Variants in SRBD1 observed in about 807,000 individuals in gnomAD.
SRBD1 encodes S1 RNA-binding domain-containing protein 1.
Under a neutral mutation model 115.3 loss-of-function variants are expected in SRBD1, and 88 were observed. That is an observed-to-expected ratio of 0.76 (90% CI 0.64 to 0.91). The LOEUF is 0.91. SRBD1 is among the 40% of genes least tolerant of loss of function. The probability of loss-of-function intolerance (pLI) is 0.00; values close to 1 mark genes in which losing one functional copy is unlikely to be tolerated. For missense variants in SRBD1, 1,385 were observed against 1,177.4 expected (o/e 1.18, Z -2.58); for synonymous variants, 509 against 407.7 (o/e 1.25, Z -2.99).
At chr2:45,459,063 A>G (rs916493016) in intron 16 of SRBD1, among the ~76,000 whole-genome samples, 1 of 152,028 alleles carries the variant, frequency 6.6e-6, no homozygotes, top group African/African-American at 2.4e-5. Flanking sequence ...CAAACTACAG[A>G]GTTTGTTTCT....
chr2:45,488,465 A>G, intron 14 of SRBD1, 134 bp from the exon 15 acceptor site: 1 of 613,538 alleles, frequency 1.6e-6, no homozygotes, highest in Non-Finnish European at 2.8e-6. Flanking sequence ...TCTCAATGAT[A>G]CTGACAGCAT....
intron 16 of SRBD1, among the ~76,000 whole-genome samples, chr2:45,439,151 G>C (rs1405955270): frequency 6.6e-6 from 1 of 151,822 alleles, no homozygotes. Flanking sequence ...TATCTTTAAA[G>C]ATAACGGAAA....
intron 16 of SRBD1, among the ~76,000 whole-genome samples, chr2:45,448,816 T>C (rs146955990): frequency 2.0e-4 from 31 of 152,274 alleles, no homozygotes; most frequent in African/African-American, 7.5e-4. Context: ...AAATACTTTT[T>C]TCTCCTTAGG....
intron 14 of SRBD1, among the ~76,000 whole-genome samples, chr2:45,517,006 A>G (rs1265255449): frequency 6.6e-6 from 1 of 152,204 alleles, no homozygotes; most frequent in Non-Finnish European, 1.5e-5. Context: ...TAATCCTTAA[A>G]TTTTAAAAAG....
chr2:45,404,839 C>T (rs1464647578), intron 19 of SRBD1, among the ~76,000 whole-genome samples: 1 of 152,114 alleles, frequency 6.6e-6, no homozygotes, highest in Non-Finnish European at 1.5e-5. Context: ...CTCTCCCTTG[C>T]TCACTCTGCT....
chr2:45,459,021 T>C (rs1266435566), intron 16 of SRBD1, among the ~76,000 whole-genome samples: 1 of 152,144 alleles, frequency 6.6e-6, no homozygotes, highest in Non-Finnish European at 1.5e-5. Flanking sequence ...CTGTTTCTTA[T>C]TGCCAACCGA....
intron 14 of SRBD1, among the ~76,000 whole-genome samples, chr2:45,514,545 T>A (rs1398011731): frequency 6.6e-6 from 1 of 152,170 alleles, no homozygotes; most frequent in Non-Finnish European, 1.5e-5. Context: ...AGCTAACATT[T>A]AAACTAAAAT....
intron 1 of SRBD1, among the ~76,000 whole-genome samples, chr2:45,610,284 A>G (rs1266246099): frequency 6.6e-6 from 1 of 152,252 alleles, no homozygotes; most frequent in Non-Finnish European, 1.5e-5. Flanking sequence ...ATTGGAAAAA[A>G]AAATTTAAAT....
chr2:45,459,038 GATCATGC>G (rs1669235641), intron 16 of SRBD1, among the ~76,000 whole-genome samples: 1 of 152,110 alleles, frequency 6.6e-6, no homozygotes, highest in Admixed American at 6.6e-5. Context: ...CCGATAACCA[GATCATGC>G]ATCCCAACAA....
intron 14 of SRBD1, among the ~76,000 whole-genome samples, chr2:45,489,795 C>A (rs1670237425): frequency 6.6e-6 from 1 of 152,110 alleles, no homozygotes; most frequent in South Asian, 2.1e-4. Flanking sequence ...AAGTCTGAGC[C>A]CTTAACCAGC....
chr2:45,389,055 T>C lies in SRBD1; in HGVS notation c.*255A>G, dbSNP rs1666922996. 2.5e-6 allele frequency: 1 copy of C among 406,640 alleles called. No homozygotes were observed. The highest frequency in any genetic ancestry group is 3.9e-5 in the East Asian group (1 of 25,434). 25.2% of individuals were successfully genotyped at this position (406,640 alleles called of 1,614,324 possible). A position where few individuals can be genotyped will look rare whatever the true frequency, so the allele number is the denominator to read the frequency against. Reference sequence around the variant, plus strand: ...AAATTACAAAAAATAAAAAACAAAATTTTAGTCAGAAAACTATTACTACAT... The same window carrying C: ...AAATTACAAAAAATAAAAAACAAAACTTTAGTCAGAAAACTATTACTACAT... On this transcript the variant is annotated 3_prime_UTR_variant, in exon 21 of 21. Coordinates refer to ENST00000263736, the MANE Select transcript of SRBD1 (RefSeq NM_018079.5).
chr2:45,559,701 AG>A, intron 10 of SRBD1, among the ~76,000 whole-genome samples: 1 of 152,140 alleles, frequency 6.6e-6, no homozygotes, highest in Non-Finnish European at 1.5e-5. Flanking sequence ...ATGTGCTTAA[AG>A]GAAAAAAAAA....
chr2:45,547,694 A>G, intron 12 of SRBD1, 82 bp from the exon 13 acceptor site: 1 of 1,160,242 alleles, frequency 8.6e-7, no homozygotes. Flanking sequence ...GCAAGTTGTA[A>G]CAGAAAAGGA....
At chr2:45,605,173 G>A (rs570209314) in intron 2 of SRBD1, among the ~76,000 whole-genome samples, 189 bp downstream of exon 2, 2 of 152,060 alleles carry the variant, frequency 1.3e-5, no homozygotes, top group East Asian at 1.9e-4. Flanking sequence ...CTCTCCTTTC[G>A]ATACTTTATT....
At chr2:45,406,285 C>A (rs952569345) in intron 19 of SRBD1, among the ~76,000 whole-genome samples, 1 of 151,946 alleles carries the variant, frequency 6.6e-6, no homozygotes, top group Non-Finnish European at 1.5e-5. Flanking sequence ...CAGAGACAAT[C>A]TGAAGACAGG....
At chr2:45,608,568 G>A (rs146880040) in intron 1 of SRBD1, among the ~76,000 whole-genome samples, 368 of 152,080 alleles carry the variant, frequency 2.4e-3, no homozygotes, top group Admixed American at 4.4e-3. Flanking sequence ...CCATCTCCAC[G>A]GTTTTACATA....
At chr2:45,393,821 ACT>A (rs2103816358) in intron 19 of SRBD1, among the ~76,000 whole-genome samples, 1 of 152,310 alleles carries the variant, frequency 6.6e-6, no homozygotes, top group South Asian at 2.1e-4. Context: ...ATGATACCAA[ACT>A]CTAACAAAAT....
At chr2:45,429,573 G>A (rs1441023362) in intron 16 of SRBD1, among the ~76,000 whole-genome samples, 1 of 152,058 alleles carries the variant, frequency 6.6e-6, no homozygotes, top group Non-Finnish European at 1.5e-5. Flanking sequence ...ATGCAGAAAA[G>A]GCCTTTGATA....
At chr2:45,409,876 C>T (rs1411172624) in intron 19 of SRBD1, among the ~76,000 whole-genome samples, 1 of 151,926 alleles carries the variant, frequency 6.6e-6, no homozygotes, top group African/African-American at 2.4e-5. Flanking sequence ...TAAATGCTGA[C>T]ATAATAAGTT....
Sources: gnomAD v4.1 joint callset for allele counts (sites outside exome capture counted in the v4.1 genomes callset) on GRCh38, gnomAD v4.1.1 for gene constraint, MANE v1.5 for transcripts, NCBI Gene and HGNC (gene_info 2026-07-23, HGNC 2026-07-21) for gene names.